PPTC7: variants seen among roughly 807,000 people sequenced by gnomAD.
PPTC7 encodes protein phosphatase targeting COQ7.
A neutral mutation model predicts 30.8 loss-of-function variants in PPTC7; 6 were observed. The observed-to-expected ratio is 0.19, with a 90% CI of 0.11 to 0.38. The LOEUF (loss-of-function observed/expected upper bound fraction) is 0.38, where lower values mean the gene tolerates loss of function less well. Ranked by LOEUF, PPTC7 falls within the 10% of genes least tolerant of loss-of-function variation. The pLI is 1.00. For synonymous variants in PPTC7, 163 were observed against 168.1 expected, an observed-to-expected ratio of 0.97 and a Z score of 0.23; for missense variants, 218 against 404.8, an observed-to-expected ratio of 0.54 and a Z score of 3.96.
At chr12:110,538,888 C>T (rs955891552) in intron 4 of PPTC7, among the ~76,000 whole-genome samples, 1 of 152,206 alleles carries the variant, frequency 6.6e-6, no homozygotes, top group Non-Finnish European at 1.5e-5. Context: ...GCAGTCCCTT[C>T]TACTCTCTAT....
Position 110,541,619 on chromosome 12 carries a change from G to A in PPTC7, c.603-1674C>T, listed in dbSNP as rs144571957. On this transcript the variant is annotated intron_variant, in intron 3 of 5. Transcript: ENST00000354300. ...GGAGGCTGAGGCAGGAGAATCACTT[G>A]AACCTGGGAGGCAGAGGTTGCAGTG... 1.0e-3 allele frequency among the ~76,000 whole-genome samples: 153 copies of A among 147,564 alleles called. 5 individuals are homozygous for A. The East Asian group carries it at 0.025, about 24-fold the overall frequency.
At chr12:110,562,556 G>A (rs2064447297) in intron 1 of PPTC7, among the ~76,000 whole-genome samples, 1 of 152,044 alleles carries the variant, frequency 6.6e-6, no homozygotes, top group African/African-American at 2.4e-5. Context: ...ACTTTGGGAG[G>A]CTGAGGTAAA....
chr12:110,580,317 T>C (rs1472876629), intron 1 of PPTC7, among the ~76,000 whole-genome samples: 1 of 152,198 alleles, frequency 6.6e-6, no homozygotes, highest in African/African-American at 2.4e-5. Context: ...TCCCACTCCA[T>C]TAAGAAGGTA....
chr12:110,567,104 G>C (rs990448044), intron 1 of PPTC7, among the ~76,000 whole-genome samples: 1 of 152,098 alleles, frequency 6.6e-6, no homozygotes, highest in Non-Finnish European at 1.5e-5. Flanking sequence ...CCTTTATAGC[G>C]ATCTTCCCTT....
intron 1 of PPTC7, among the ~76,000 whole-genome samples, chr12:110,554,007 C>G (rs893779028): frequency 2.6e-5 from 4 of 151,964 alleles, no homozygotes; most frequent in African/African-American, 9.7e-5. Flanking sequence ...TACAGGTGCT[C>G]GACACCACAC....
intron 1 of PPTC7, among the ~76,000 whole-genome samples, chr12:110,552,669 C>T (rs193249398): frequency 6.6e-6 from 1 of 152,132 alleles, no homozygotes; most frequent in East Asian, 1.9e-4. Flanking sequence ...TCGAGACTGT[C>T]CTGGCTAACT....
At chr12:110,579,555 A>G (rs1044856621) in intron 1 of PPTC7, among the ~76,000 whole-genome samples, 1 of 152,148 alleles carries the variant, frequency 6.6e-6, no homozygotes. Context: ...AGCCCATGCA[A>G]AATTTTATCT....
intron 1 of PPTC7, among the ~76,000 whole-genome samples, chr12:110,572,896 T>TA (rs2064551457): frequency 6.6e-6 from 1 of 151,824 alleles, no homozygotes; most frequent in Non-Finnish European, 1.5e-5. Context: ...TTTATTTATT[T>TA]TTGAGACGAG....
chr12:110,564,807 ATATGTATATGTG>A (rs1193816669), intron 1 of PPTC7, among the ~76,000 whole-genome samples: 1 of 121,094 alleles, frequency 8.3e-6, no homozygotes, highest in Non-Finnish European at 1.8e-5. Flanking sequence ...ATATACACGT[ATATGTATATGTG>A]TATATATACA....
At chr12:110,557,887 G>A (rs2064403034) in intron 1 of PPTC7, among the ~76,000 whole-genome samples, 3 of 152,162 alleles carry the variant, frequency 2.0e-5, no homozygotes, top group Non-Finnish European at 4.4e-5. Flanking sequence ...AGAGAGAAGT[G>A]CTGAGCAAAG....
chr12:110,544,200 A>C (rs1476827508), intron 3 of PPTC7, among the ~76,000 whole-genome samples: 1 of 152,200 alleles, frequency 6.6e-6, no homozygotes, highest in African/African-American at 2.4e-5. Flanking sequence ...TTACCGGTAA[A>C]AGTTACTTTT....
intron 1 of PPTC7, among the ~76,000 whole-genome samples, chr12:110,566,180 G>A (rs1003123923): frequency 6.6e-6 from 1 of 152,122 alleles, no homozygotes; most frequent in South Asian, 2.1e-4. Context: ...TGGAAGGAAA[G>A]GCTGGCCTGA....
chr12:110,536,866 A>G lies in PPTC7; in HGVS notation c.*171T>C, dbSNP rs2064222328. ...CGGCAGATATGAGCTAGTGAATGAT[A>G]GTAGTGGTTCTCAACAAAGATCTCA... On this transcript the variant is annotated 3_prime_UTR_variant, in exon 6 of 6. Coordinates refer to ENST00000354300, the MANE Select transcript of PPTC7 (RefSeq NM_139283.2). 1 of 605,382 alleles carries G rather than the reference A, an allele frequency of 1.7e-6. No individual in the cohort carries two copies. The highest frequency in any genetic ancestry group is 2.4e-5 in the South Asian group (1 of 40,820). 37.5% of individuals were successfully genotyped at this position (605,382 alleles called of 1,614,324 possible).
At chr12:110,570,540 C>T (rs1049684918) in intron 1 of PPTC7, among the ~76,000 whole-genome samples, 4 of 28,712 alleles carry the variant, frequency 1.4e-4, no homozygotes, top group African/African-American at 5.2e-4. Context: ...CTGTCTCCTG[C>T]CTGTCCCTGG....
At chr12:110,542,734 C>A (rs541418093) in intron 3 of PPTC7, among the ~76,000 whole-genome samples, 13 of 131,780 alleles carry the variant, frequency 9.9e-5, no homozygotes, top group Non-Finnish European at 1.8e-4. Context: ...CATAAAGAAA[C>A]CTTTGAGGAC....
chr12:110,580,703 A>G (rs1565930289), intron 1 of PPTC7, among the ~76,000 whole-genome samples: 1 of 151,848 alleles, frequency 6.6e-6, no homozygotes, highest in Non-Finnish European at 1.5e-5. Context: ...ATACTCCCCA[A>G]ATCATCAATC....
At chr12:110,556,047 T>G (rs1372222857) in intron 1 of PPTC7, among the ~76,000 whole-genome samples, 3 of 152,234 alleles carry the variant, frequency 2.0e-5, no homozygotes, top group Non-Finnish European at 4.4e-5. Context: ...GCAAATGCTC[T>G]TCACAAGAAA....
At chr12:110,582,275 C>A (rs2064643976) in intron 1 of PPTC7, among the ~76,000 whole-genome samples, 1 of 152,198 alleles carries the variant, frequency 6.6e-6, no homozygotes, top group African/African-American at 2.4e-5. Context: ...CGCCACACTC[C>A]GAAAAGGGTG....
chr12:110,577,072 C>T (rs2064595302), intron 1 of PPTC7, among the ~76,000 whole-genome samples: 2 of 146,812 alleles, frequency 1.4e-5, no homozygotes, highest in South Asian at 4.3e-4. Context: ...GAGGCTGAGG[C>T]AGAAGAACTG....
Sources: gnomAD v4.1 joint callset for allele counts (sites outside exome capture counted in the v4.1 genomes callset) on GRCh38, gnomAD v4.1.1 for gene constraint, MANE v1.5 for transcripts, NCBI Gene and HGNC (gene_info 2026-07-23, HGNC 2026-07-21) for gene names.